NOX4: variants seen among roughly 807,000 people sequenced by gnomAD.
NOX4 encodes kidney oxidase-1.
Under a neutral mutation model 87.6 loss-of-function variants are expected in NOX4, and 69 were observed. The ratio of observed to expected loss-of-function variants is 0.79; its 90% CI spans 0.65 to 0.96. NOX4 has a LOEUF of 0.96. NOX4 is among the 40% of genes least tolerant of loss of function. The pLI is 0.00. For missense variants in NOX4, 680 were observed against 681.5 expected (o/e 1.00, Z 0.02); for synonymous variants, 275 against 238.2 (o/e 1.15, Z -1.42).
chr11:89,367,286 C>T (rs1403133294), intron 12 of NOX4, among the ~76,000 whole-genome samples: 2 of 152,136 alleles, frequency 1.3e-5, no homozygotes, highest in African/African-American at 2.4e-5. Context: ...TCTTCTGCTG[C>T]TAATCACAAG....
the NOX4 span, among the ~76,000 whole-genome samples, chr11:89,565,726 TAA>T: frequency 0.017 from 2,450 of 144,140 alleles, 73 homozygotes; most frequent in African/African-American, 0.059. Flanking sequence ...TAAAGTATAA[TAA>T]AAAAAAAAAG....
intron 2 of NOX4, among the ~76,000 whole-genome samples, chr11:89,467,279 A>T (rs1285334626): frequency 8.0e-6 from 1 of 124,890 alleles, no homozygotes; most frequent in Non-Finnish European, 1.6e-5. Flanking sequence ...TGAACCCGGG[A>T]GGTGGAGCTT....
At chr11:89,541,764 G>A in the NOX4 span, among the ~76,000 whole-genome samples, 6 of 152,108 alleles carry the variant, frequency 3.9e-5, no homozygotes, top group Middle Eastern at 3.4e-3. Context: ...ATAAGTAAAC[G>A]TCATTTGATA....
intron 2 of NOX4, among the ~76,000 whole-genome samples, chr11:89,486,991 T>G (rs923414539): frequency 6.6e-6 from 1 of 152,178 alleles, no homozygotes; most frequent in African/African-American, 2.4e-5. Flanking sequence ...CTTTTTTTAA[T>G]GTGCTACTAG....
At chr11:89,437,572 T>C (rs951805045) in intron 6 of NOX4, among the ~76,000 whole-genome samples, 1 of 151,962 alleles carries the variant, frequency 6.6e-6, no homozygotes, top group Non-Finnish European at 1.5e-5. Context: ...TTTCTTGAAA[T>C]TATGTGAGAA....
At chr11:89,499,975 A>G (rs898013876), upstream of NOX4, among the ~76,000 whole-genome samples, 6 of 152,206 alleles carry the variant, frequency 3.9e-5, no homozygotes, top group Non-Finnish European at 5.9e-5. Flanking sequence ...TAAATTACCT[A>G]CATGGCATAG....
At chr11:89,566,009 T>C in the NOX4 span, among the ~76,000 whole-genome samples, 1 of 151,786 alleles carries the variant, frequency 6.6e-6, no homozygotes, top group Non-Finnish European at 1.5e-5. Context: ...TCTCTGTATA[T>C]AAATGAAATT....
chr11:89,374,177 G>T (rs1939664412), intron 11 of NOX4, among the ~76,000 whole-genome samples: 1 of 152,056 alleles, frequency 6.6e-6, no homozygotes, highest in South Asian at 2.1e-4. Context: ...TTGTTTTCTG[G>T]ATTCCTACTC....
intron 17 of NOX4, among the ~76,000 whole-genome samples, chr11:89,334,160 T>C (rs1304837722): frequency 1.3e-5 from 2 of 151,674 alleles, no homozygotes; most frequent in African/African-American, 4.8e-5. Flanking sequence ...AAAAAATTCT[T>C]GTCAGAAGTC....
At chr11:89,494,869 C>T (rs1476410517), upstream of NOX4, among the ~76,000 whole-genome samples, 1 of 152,214 alleles carries the variant, frequency 6.6e-6, no homozygotes, top group African/African-American at 2.4e-5. Context: ...AATTTATCGT[C>T]TCACAGTTCT....
At chr11:89,514,194 G>A in the NOX4 span, among the ~76,000 whole-genome samples, 1 of 151,826 alleles carries the variant, frequency 6.6e-6, no homozygotes, top group African/African-American at 2.4e-5. Flanking sequence ...TTCTTATGTA[G>A]TTTTAGCTCA....
At chr11:89,522,287 G>C in the NOX4 span, among the ~76,000 whole-genome samples, 1 of 152,028 alleles carries the variant, frequency 6.6e-6, no homozygotes, top group African/African-American at 2.4e-5. Flanking sequence ...GGTAGATTTG[G>C]TAGAGAAAAT....
At chr11:89,518,567 G>A in the NOX4 span, among the ~76,000 whole-genome samples, 1 of 151,972 alleles carries the variant, frequency 6.6e-6, no homozygotes, top group Non-Finnish European at 1.5e-5. Flanking sequence ...GGAGCATTTG[G>A]TCTGGGTGAA....
intron 2 of NOX4, among the ~76,000 whole-genome samples, chr11:89,475,978 A>G (rs1946150615): frequency 6.6e-6 from 1 of 152,106 alleles, no homozygotes; most frequent in South Asian, 2.1e-4. Context: ...GTATTTTAAC[A>G]CATACTACAA....
At chr11:89,367,336 G>A (rs1036424594) in intron 12 of NOX4, among the ~76,000 whole-genome samples, 2 of 152,006 alleles carry the variant, frequency 1.3e-5, no homozygotes, top group Non-Finnish European at 2.9e-5. Context: ...ATAGTTCTGG[G>A]GAAATGTAGA....
chr11:89,427,687 T>G (rs190148954), intron 7 of NOX4, among the ~76,000 whole-genome samples: 1 of 151,980 alleles, frequency 6.6e-6, no homozygotes, highest in African/African-American at 2.4e-5. Flanking sequence ...TAAAAAGAAA[T>G]GAACAAAGCC....
At chr11:89,514,764 A>G in the NOX4 span, among the ~76,000 whole-genome samples, 1 of 151,926 alleles carries the variant, frequency 6.6e-6, no homozygotes, top group African/African-American at 2.4e-5. Flanking sequence ...GATGCATTAC[A>G]TTGATTTTTG....
chr11:89,391,739 CAA>C (rs11419337), intron 11 of NOX4, among the ~76,000 whole-genome samples: 23 of 97,064 alleles, frequency 2.4e-4, no homozygotes, highest in Non-Finnish European at 2.2e-4. Flanking sequence ...GACCTTGTCT[CAA>C]AAAAAAAAAA....
At chr11:89,456,602 C>T (rs574673366) in intron 2 of NOX4, among the ~76,000 whole-genome samples, 20 of 152,256 alleles carry the variant, frequency 1.3e-4, no homozygotes, top group Admixed American at 1.1e-3. Flanking sequence ...CACTGGGGCT[C>T]GCTCCTGGAC....
Sources: gnomAD v4.1 joint callset for allele counts (sites outside exome capture counted in the v4.1 genomes callset) on GRCh38, gnomAD v4.1.1 for gene constraint, MANE v1.5 for transcripts, NCBI Gene and HGNC (gene_info 2026-07-23, HGNC 2026-07-21) for gene names.